ZMIZ1: variants seen among roughly 807,000 people sequenced by gnomAD.
ZMIZ1 encodes the protein zinc finger MIZ-type containing 1, also known as zinc finger MIZ domain-containing protein 1.
In ZMIZ1, 17 loss-of-function variants were observed where a neutral mutation model predicts 113.9. The ratio of observed to expected loss-of-function variants is 0.15; its 90% CI spans 0.10 to 0.22. The LOEUF is 0.22. Among genes scored for constraint, ZMIZ1 ranks in the 10% least tolerant of loss-of-function variants. The pLI is 1.00. For synonymous variants in ZMIZ1, 607 were observed against 603.1 expected (o/e 1.01, Z -0.09); for missense variants, 1,059 against 1,477.8 (o/e 0.72, Z 4.65).
chr10:79,222,005 T>C (rs1024772770), intron 7 of ZMIZ1, among the ~76,000 whole-genome samples: 1 of 152,214 alleles, frequency 6.6e-6, no homozygotes, highest in South Asian at 2.1e-4. Flanking sequence ...TTCCGCAGGA[T>C]GTCCTGAGAC....
chr10:79,214,921 G>C (rs1848658789), intron 6 of ZMIZ1, among the ~76,000 whole-genome samples: 1 of 152,220 alleles, frequency 6.6e-6, no homozygotes, highest in African/African-American at 2.4e-5. Context: ...TGAAGCCAGA[G>C]CGGCAACAGC....
intron 7 of ZMIZ1, among the ~76,000 whole-genome samples, chr10:79,226,358 G>A (rs1384034409): frequency 6.6e-6 from 1 of 152,126 alleles, no homozygotes; most frequent in Non-Finnish European, 1.5e-5. Context: ...GGAGATGCAG[G>A]GCCACAGGTA....
intron 1 of ZMIZ1, among the ~76,000 whole-genome samples, chr10:79,086,481 T>G (rs950414902): frequency 5.3e-5 from 8 of 152,358 alleles, no homozygotes; most frequent in Non-Finnish European, 1.2e-4. Flanking sequence ...TATGTTTGCT[T>G]GTTCAGCATA....
chr10:79,308,177 C>T (rs1854861844), intron 23 of ZMIZ1, among the ~76,000 whole-genome samples: 1 of 152,190 alleles, frequency 6.6e-6, no homozygotes, highest in South Asian at 2.1e-4. Flanking sequence ...GCAGGAGGCC[C>T]TCCTGTCCCC....
At chr10:79,223,669 G>C (rs1420221518) in intron 7 of ZMIZ1, among the ~76,000 whole-genome samples, 3 of 152,246 alleles carry the variant, frequency 2.0e-5, no homozygotes, top group Non-Finnish European at 2.9e-5. Flanking sequence ...AGGAGGAAAC[G>C]GGAAGACACA....
Position 79,308,662 on chromosome 10 carries a change from G to T in ZMIZ1, c.2835+1091G>T, listed in dbSNP as rs148658963. Among the ~76,000 whole-genome samples the T allele has an allele frequency of 1.1e-4, 16 of 152,264 alleles. No individual in the cohort carries two copies. The East Asian group carries it at 2.9e-3, about 28-fold the overall frequency. On this transcript the variant is annotated intron_variant, in intron 23 of 24. Transcript: ENST00000334512. ...AGTCCAAGTCGGAAATAGATGCTTT[G>T]TGGAGCTTTGGCCAAGTTTTTCAAA... is the stretch of plus-strand genomic sequence containing the variant.
chr10:79,261,167 T>C (rs939487194), intron 7 of ZMIZ1, among the ~76,000 whole-genome samples: 2 of 152,202 alleles, frequency 1.3e-5, no homozygotes, highest in Admixed American at 6.5e-5. Context: ...TGAAAGACCC[T>C]GTGGCCCCGC....
chr10:79,075,698 C>T (rs944197732), intron 1 of ZMIZ1, among the ~76,000 whole-genome samples: 1 of 152,234 alleles, frequency 6.6e-6, no homozygotes, highest in African/African-American at 2.4e-5. Context: ...GGTCCTGAGA[C>T]CTGAGAGCTC....
chr10:79,173,473 C>A (rs1294233870), intron 4 of ZMIZ1, among the ~76,000 whole-genome samples: 2 of 152,058 alleles, frequency 1.3e-5, no homozygotes, highest in Admixed American at 6.5e-5. Context: ...GCTAGGAAGC[C>A]CCTTAGGCCA....
At chr10:79,309,949 C>T (rs1855005481) in intron 23 of ZMIZ1, among the ~76,000 whole-genome samples, 1 of 152,120 alleles carries the variant, frequency 6.6e-6, no homozygotes, top group South Asian at 2.1e-4. Context: ...GCGAGGATTC[C>T]CCGGCCTTTC....
intron 13 of ZMIZ1, 85 bp from the exon 14 acceptor site, chr10:79,297,528 T>C: frequency 1.7e-6 from 2 of 1,174,162 alleles, no homozygotes. Context: ...CCCGTGCTCC[T>C]GGTAGATTTT....
chr10:79,312,517 C>T, intron 24 of ZMIZ1, 125 bp from the exon 25 acceptor site: 1 of 1,000,550 alleles, frequency 1.0e-6, no homozygotes, highest in Non-Finnish European at 1.5e-6. Flanking sequence ...TTCTCTACCC[C>T]TTTTTTTGGC....
At chr10:79,297,238 A>G (rs779571317) in intron 13 of ZMIZ1, among the ~76,000 whole-genome samples, 1 of 152,194 alleles carries the variant, frequency 6.6e-6, no homozygotes, top group Non-Finnish European at 1.5e-5. Flanking sequence ...ATCTTCAGGC[A>G]TATAGCCTTT....
intron 4 of ZMIZ1, among the ~76,000 whole-genome samples, chr10:79,194,125 A>G (rs561390398): frequency 2.0e-5 from 3 of 152,352 alleles, no homozygotes; most frequent in African/African-American, 7.2e-5. Flanking sequence ...CGCTTGCCCC[A>G]GGGGACCTAA....
chr10:79,172,026 C>T (rs1476544238), intron 4 of ZMIZ1, among the ~76,000 whole-genome samples: 2 of 152,298 alleles, frequency 1.3e-5, no homozygotes, highest in Non-Finnish European at 2.9e-5. Flanking sequence ...ACATCACATA[C>T]ACTCAAGTAT....
intron 7 of ZMIZ1, among the ~76,000 whole-genome samples, chr10:79,218,690 T>C (rs1325715064): frequency 6.6e-6 from 1 of 151,872 alleles, no homozygotes; most frequent in African/African-American, 2.4e-5. Flanking sequence ...GGGGTGTTGT[T>C]GAGGGCAGAC....
chr10:79,087,145 C>T (rs1589255637), intron 1 of ZMIZ1, among the ~76,000 whole-genome samples: 1 of 152,236 alleles, frequency 6.6e-6, no homozygotes. Flanking sequence ...ATTGTGTCTC[C>T]TAGGACAGCT....
rs762919802 is a variant in ZMIZ1 at position 79,299,195 on chromosome 10, C to T, written c.1808+4C>T. ...TCCACCAGACGCTGATGTGGAGGTG[C>T]GTGTCAGGGCAGGGGCGCCAGCCCA... On this transcript the variant is annotated splice_donor_region_variant and intron_variant, in intron 16 of 24. Transcript: ENST00000334512. 9 of 1,600,540 alleles carry T rather than the reference C, an allele frequency of 5.6e-6. No homozygotes were observed. The highest frequency in any genetic ancestry group is 2.2e-5 in the South Asian group (2 of 90,640).
At chr10:79,190,443 C>T (rs1239023252) in intron 4 of ZMIZ1, among the ~76,000 whole-genome samples, 1 of 152,250 alleles carries the variant, frequency 6.6e-6, no homozygotes, top group Admixed American at 6.5e-5. Flanking sequence ...TAGGCCTGCG[C>T]AGATCCCAGA....
Sources: allele counts gnomAD v4.1 joint callset (sites outside exome capture counted in the v4.1 genomes callset), GRCh38; gene constraint gnomAD v4.1.1; transcripts MANE v1.5; gene names NCBI Gene and HGNC (gene_info 2026-07-23, HGNC 2026-07-21).